Variants in RARB observed in about 807,000 individuals in gnomAD.
RARB encodes the protein HBV-activated protein.
RARB carries 17 observed loss-of-function variants against 51.9 expected under a neutral mutation model. The ratio of observed to expected loss-of-function variants is 0.33; its 90% CI spans 0.22 to 0.49. The LOEUF (loss-of-function observed/expected upper bound fraction) is 0.49, where lower values mean the gene tolerates loss of function less well. Ranked by LOEUF, RARB falls within the 20% of genes least tolerant of loss-of-function variation. The probability of loss-of-function intolerance (pLI) is 0.99; values close to 1 mark genes in which losing one functional copy is unlikely to be tolerated. For synonymous variants in RARB, 215 were observed against 195.4 expected (o/e 1.10, Z -0.84); for missense variants, 369 against 550.8 (o/e 0.67, Z 3.30).
chr3:25,229,965 A>G (rs957745183), intron 5 of RARB, among the ~76,000 whole-genome samples: 1 of 152,170 alleles, frequency 6.6e-6, no homozygotes, highest in Non-Finnish European at 1.5e-5. Flanking sequence ...GACTTGTATG[A>G]TAAAACATAT....
intron 5 of RARB, among the ~76,000 whole-genome samples, chr3:25,351,663 T>C (rs1048090526): frequency 1.4e-4 from 21 of 152,202 alleles, no homozygotes; most frequent in African/African-American, 5.1e-4. Flanking sequence ...AAAATTGCTT[T>C]GAAAAAGCAT....
chr3:25,043,710 G>A (rs1698158380), intron 2 of RARB, among the ~76,000 whole-genome samples: 1 of 152,096 alleles, frequency 6.6e-6, no homozygotes, highest in Admixed American at 6.5e-5. Flanking sequence ...AACATTATAA[G>A]CAAAGGTACC....
intron 4 of RARB, among the ~76,000 whole-genome samples, chr3:25,577,854 T>C (rs1457353802): frequency 1.5e-5 from 2 of 135,784 alleles, no homozygotes; most frequent in African/African-American, 2.8e-5. Context: ...TGGGGGGCCA[T>C]GGGCGCGACC....
At chr3:25,499,381 C>T (rs1439581082) in intron 2 of RARB, among the ~76,000 whole-genome samples, 2 of 152,134 alleles carry the variant, frequency 1.3e-5, no homozygotes, top group Non-Finnish European at 2.9e-5. Flanking sequence ...ACTCTTAATA[C>T]TCATAGCAAT....
At chr3:24,910,998 T>C (rs1694978459) in intron 2 of RARB, among the ~76,000 whole-genome samples, 1 of 152,222 alleles carries the variant, frequency 6.6e-6, no homozygotes, top group African/African-American at 2.4e-5. Flanking sequence ...CTGTAACTAT[T>C]GCTTCCAGCA....
chr3:24,838,349 T>C (rs1702370196), intron 1 of RARB, among the ~76,000 whole-genome samples: 1 of 152,160 alleles, frequency 6.6e-6, no homozygotes, highest in African/African-American at 2.4e-5. Flanking sequence ...TCTGCAAAAT[T>C]TCTTTTGCCA....
At chr3:25,277,436 G>C (rs1415431995) in intron 5 of RARB, among the ~76,000 whole-genome samples, 3 of 152,260 alleles carry the variant, frequency 2.0e-5, no homozygotes, top group African/African-American at 7.2e-5. Context: ...ATCGCCTATG[G>C]ATCATAAATA....
At chr3:25,514,508 TAA>T (rs113460115) in intron 3 of RARB, among the ~76,000 whole-genome samples, 1 of 146,712 alleles carries the variant, frequency 6.8e-6, no homozygotes, top group African/African-American at 2.5e-5. Context: ...CCTCCATGAT[TAA>T]AAAAAAAAAA....
At chr3:25,252,894 C>T (rs1333607220) in intron 5 of RARB, among the ~76,000 whole-genome samples, 1 of 152,154 alleles carries the variant, frequency 6.6e-6, no homozygotes, top group African/African-American at 2.4e-5. Flanking sequence ...GTGGCTTTTA[C>T]TTTCCCTTCT....
chr3:24,912,131 C>A (rs1012033035), intron 2 of RARB, among the ~76,000 whole-genome samples: 3 of 152,088 alleles, frequency 2.0e-5, no homozygotes, highest in African/African-American at 7.2e-5. Context: ...AATATTCCTG[C>A]AGATAGCAGG....
chr3:25,020,276 G>A (rs1697605524), intron 2 of RARB: 1 of 152,082 alleles, frequency 6.6e-6, no homozygotes, highest in South Asian at 2.1e-4. Context: ...TCTGACCTGG[G>A]ACAGTTCAAC....
intron 5 of RARB, among the ~76,000 whole-genome samples, chr3:25,364,801 T>C (rs1224839536): frequency 1.3e-5 from 2 of 152,244 alleles, no homozygotes; most frequent in Non-Finnish European, 2.9e-5. Context: ...TCTGTCTTCC[T>C]TTGCCTTTTA....
chr3:24,913,196 C>A (rs9854321), intron 2 of RARB, among the ~76,000 whole-genome samples: 4,124 of 151,288 alleles, frequency 0.027, 99 homozygotes, highest in African/African-American at 0.066. Flanking sequence ...GTGTTAGCCA[C>A]GATGGTCTCG....
At chr3:25,086,558 G>A (rs1437557618) in intron 3 of RARB, among the ~76,000 whole-genome samples, 5 of 152,154 alleles carry the variant, frequency 3.3e-5, no homozygotes, top group Admixed American at 3.3e-4. Context: ...CACAGCCCCA[G>A]GAGATTCTGA....
At chr3:24,856,032 G>A (rs1702629682) in intron 1 of RARB, among the ~76,000 whole-genome samples, 1 of 151,512 alleles carries the variant, frequency 6.6e-6, no homozygotes, top group African/African-American at 2.4e-5. Flanking sequence ...TTACAGGCGT[G>A]AACCACTGCG....
intron 1 of RARB, chr3:25,458,455 A>G (rs1263394164): frequency 6.6e-6 from 1 of 152,196 alleles, no homozygotes; most frequent in Non-Finnish European, 1.5e-5. Context: ...ATTGTTTTCT[A>G]ATTTTAACAA....
intron 3 of RARB, among the ~76,000 whole-genome samples, chr3:25,561,787 T>C (rs1046250845): frequency 2.0e-5 from 3 of 152,236 alleles, no homozygotes; most frequent in Non-Finnish European, 2.9e-5. Context: ...GGCCATTATA[T>C]TTTATCATGA....
chr3:24,869,211 A>C (rs1019667723), intron 2 of RARB, among the ~76,000 whole-genome samples: 5 of 152,114 alleles, frequency 3.3e-5, no homozygotes, highest in Non-Finnish European at 7.4e-5. Context: ...ATAGCAACTA[A>C]AGTCTTCATG....
At chr3:24,914,616 C>T (rs963344788) in intron 2 of RARB, among the ~76,000 whole-genome samples, 7 of 152,148 alleles carry the variant, frequency 4.6e-5, no homozygotes, top group South Asian at 2.1e-4. Context: ...CTGCACACAT[C>T]GTCCTGTATA....
Sources: gnomAD v4.1 joint callset for allele counts (sites outside exome capture counted in the v4.1 genomes callset) on GRCh38, gnomAD v4.1.1 for gene constraint, MANE v1.5 for transcripts, NCBI Gene and HGNC (gene_info 2026-07-23, HGNC 2026-07-21) for gene names.